Variants in ABCC10 observed in about 807,000 individuals in gnomAD.
ABCC10 encodes the protein ATP-binding cassette sub-family C member 10.
In ABCC10, 110 loss-of-function variants were observed where a neutral mutation model predicts 143.2. That is an observed-to-expected ratio of 0.77 (90% CI 0.66 to 0.90). ABCC10 has a LOEUF of 0.90. Among genes scored for constraint, ABCC10 ranks in the 40% least tolerant of loss-of-function variants. The pLI is 0.00. For missense variants in ABCC10, 1,700 were observed against 1,900.5 expected, an observed-to-expected ratio of 0.89 and a Z score of 1.96; for synonymous variants, 805 against 846.7, an observed-to-expected ratio of 0.95 and a Z score of 0.85.
At chr6:43,450,926 G>A (rs772196670), downstream of ABCC10, 1 of 1,614,206 alleles carries the variant, frequency 6.2e-7, no homozygotes, top group Non-Finnish European at 8.5e-7. The surrounding 1 kb of genome is among the most constrained non-coding windows in gnomAD (Gnocchi z 4.5). Context: ...TGGTTGGGGG[G>A]TCTGGGACAG....
At chr6:43,438,475 C>G (rs1257658304) in intron 7 of ABCC10, 149 bp from the exon 8 acceptor site, 1 of 1,441,176 alleles carries the variant, frequency 6.9e-7, no homozygotes, top group East Asian at 2.5e-5. Flanking sequence ...GACCCCTTGA[C>G]CTCAGGAGCT....
chr6:43,437,205 C>T (rs2127392018), intron 6 of ABCC10, among the ~76,000 whole-genome samples: 1 of 152,144 alleles, frequency 6.6e-6, no homozygotes, highest in Admixed American at 6.5e-5. Flanking sequence ...CTCGAGTTTA[C>T]AAGTTACAGC....
At position 43,428,053 on chromosome 6, in the gene ABCC10, A is replaced by C; in HGVS notation, c.75A>C (p.Thr25=). ...WPLPLWEGDT[T]GHCFTQLVLS... ...TCCCGCTGTGGGAGGGGGACACCAC[A>C]GGCCACTGCTTCACCCAGCTGGTGC... Residue 25 remains threonine (T), a synonymous_variant, in exon 2 of 22, where the codon ACA becomes ACC. Coordinates refer to ENST00000372530, the MANE Select transcript of ABCC10 (RefSeq NM_001198934.2). 1.3e-6 allele frequency: 2 copies of C among 1,594,894 alleles called. No homozygotes were observed. The highest frequency in any genetic ancestry group is 1.7e-6 in the Non-Finnish European group (2 of 1,171,720).
intron 8 of ABCC10, among the ~76,000 whole-genome samples, chr6:43,441,176 G>C (rs1167265757): frequency 6.6e-6 from 1 of 152,106 alleles, no homozygotes; most frequent in Admixed American, 6.5e-5. Flanking sequence ...TACCTTGCCT[G>C]TTAAAAAGAC....
rs1782000711 is a variant in ABCC10, at chr6:43,438,614, C to G, written c.1956-10C>G. On this transcript the variant is annotated splice_polypyrimidine_tract_variant and intron_variant, in intron 7 of 21. Transcript: ENST00000372530. ...GCTGGTCCTCATATTGCTCGCCTGG[C>G]TCTCTGCAGGCTGCGTGGGCATGTG... 1 of 1,613,086 alleles carries G rather than the reference C, an allele frequency of 6.2e-7. No individual in the cohort carries two copies. Among genetic ancestry groups the G allele is most frequent in the Non-Finnish European group, 8.5e-7 (1 of 1,179,768 alleles).
At chr6:43,442,089 TC>T (rs1782537286) in intron 9 of ABCC10, 129 bp downstream of exon 9, 1 of 732,550 alleles carries the variant, frequency 1.4e-6, no homozygotes, top group Non-Finnish European at 2.3e-6. Flanking sequence ...CCTTGCATGT[TC>T]CTGAGGTATT....
chr6:43,447,608 C>T (rs1783243992), intron 17 of ABCC10, 76 bp from the exon 18 acceptor site: 1 of 1,586,900 alleles, frequency 6.3e-7, no homozygotes, highest in South Asian at 1.2e-5. Context: ...TCTCATTATT[C>T]TCCCCTCCTC....
downstream of ABCC10, chr6:43,451,418 A>G: frequency 9.0e-7 from 1 of 1,108,298 alleles, no homozygotes; most frequent in Non-Finnish European, 1.3e-6. This position sits in a 1 kb window ranked among gnomAD's most constrained non-coding sequence, Gnocchi z 4.4. Flanking sequence ...AAATGAGAAT[A>G]AAAATAGTAC....
chr6:43,429,180 T>C (rs1780824828), intron 2 of ABCC10, among the ~76,000 whole-genome samples: 1 of 152,090 alleles, frequency 6.6e-6, no homozygotes. Context: ...GACTCACTGC[T>C]CACCATACTG....
Position 43,438,090 on chromosome 6 carries a change from C to G in ABCC10, c.1955+77C>G, listed in dbSNP as rs150328619. On this transcript the variant is annotated intron_variant, in intron 7 of 21. Transcript: ENST00000372530. ...TGAGCCCCTCTTATGTGTTGGACAC[C>G]TTTTGGGGGTCAGGGGTACTAAGAA... 5.1e-4 allele frequency: 751 copies of G among 1,469,284 alleles called. 1 individual carries two copies. In the African/African-American group the frequency reaches 6.6e-3, roughly 13 times the overall value. The allele number at this position is 1,469,284 out of a possible 1,614,324, so 91.0% of individuals were successfully genotyped here. A position where few individuals can be genotyped will look rare whatever the true frequency, so the allele number is the denominator to read the frequency against.
At chr6:43,428,275 CTACTTAGCAGCAATGTGGCTGTTCT>C in intron 2 of ABCC10, 136 bp downstream of exon 2, 1 of 1,066,220 alleles carries the variant, frequency 9.4e-7, no homozygotes, top group Non-Finnish European at 1.3e-6. Context: ...CTAAGCATTG[CTACTTAGCAGCAATGTGGCTGTTCT>C]TGGGCAAGTA....
chr6:43,441,826 G>T (rs1404784814), intron 8 of ABCC10, 36 bp from the exon 9 acceptor site: 2 of 1,562,398 alleles, frequency 1.3e-6, no homozygotes, highest in East Asian at 4.5e-5. Context: ...AAGGTAATGG[G>T]AGCTCCCTGA....
At position 43,433,022 on chromosome 6, in the gene ABCC10, G is replaced by C; in HGVS notation, c.1042G>C (p.Val348Leu). 6.2e-7 allele frequency: 1 copy of C among 1,614,142 alleles called. No individual in the cohort carries two copies. Among genetic ancestry groups the C allele is most frequent in the Admixed American group, 1.7e-5 (1 of 60,022 alleles). ...AVLQNQYGYE[V>L]YKVTLQARGA... ...GCTGCAGAATCAGTATGGGTATGAG[G>C]TATATAAGGTAACACTTCAGGCACG... Residue 348 changes from valine to leucine, a missense_variant, in exon 3 of 22, where the codon GTA (valine) becomes CTA (leucine). By Grantham distance (32) the Val-to-Leu change is conservative. Coordinates refer to ENST00000372530, the MANE Select transcript of ABCC10 (RefSeq NM_001198934.2).
At position 43,433,369 on chromosome 6, in the gene ABCC10, G is replaced by T; in HGVS notation, c.1380+9G>T. 6.3e-7 allele frequency: 1 copy of T among 1,593,524 alleles called. No homozygotes were observed. The highest frequency in any genetic ancestry group is 8.6e-7 in the Non-Finnish European group (1 of 1,166,450). ...AGGATGCGCGGGTTAAGGTGAGCGGGTACTTGGGGTCCCTCAGCTATCTGG... is the reference window on the plus strand; with the variant it reads ...AGGATGCGCGGGTTAAGGTGAGCGGTTACTTGGGGTCCCTCAGCTATCTGG... On this transcript the variant is annotated intron_variant, in intron 3 of 21. Coordinates refer to ENST00000372530, the MANE Select transcript of ABCC10 (RefSeq NM_001198934.2).
At chr6:43,437,321 G>T (rs1230600050) in intron 6 of ABCC10, among the ~76,000 whole-genome samples, 4 of 151,568 alleles carry the variant, frequency 2.6e-5, no homozygotes, top group Non-Finnish European at 5.9e-5. Flanking sequence ...CAGGGTTGGG[G>T]CATCACAGGC....
At position 43,432,960 on chromosome 6, in the gene ABCC10, C is replaced by T; in HGVS notation, c.980C>T (p.Ala327Val). ...QEPLSHGLLY[A>V]LGLAGGAVLG... ...CCACTAAGCCACGGCCTGCTCTATG[C>T]TCTGGGGCTAGCCGGTGGGGCTGTG... Residue 327 changes from alanine (A) to valine (V), a missense_variant, in exon 3 of 22, where the codon GCT becomes GTT. By Grantham distance (64) the Ala-to-Val change is moderately conservative. Transcript: ENST00000372530. 6.2e-7 allele frequency: 1 copy of T among 1,614,154 alleles called. No individual in the cohort carries two copies. Among genetic ancestry groups the T allele is most frequent in the Non-Finnish European group, 8.5e-7 (1 of 1,180,026 alleles).
rs1254839672 is a variant in ABCC10, at chr6:43,438,202, C to T, written c.1955+189C>T. ...AAAGCGAATCATTGTAATCATTACA[C>T]CAGAGTGTTTTAAATGCTATAATAG... On this transcript the variant is annotated intron_variant, in intron 7 of 21. Coordinates refer to ENST00000372530, the MANE Select transcript of ABCC10 (RefSeq NM_001198934.2). 4 of 895,426 alleles carry T rather than the reference C, an allele frequency of 4.5e-6. No individual in the cohort carries two copies. In the African/African-American group the frequency reaches 5.1e-5, roughly 11 times the overall value. 55.5% of individuals were successfully genotyped at this position (895,426 alleles called of 1,614,324 possible).
intron 3 of ABCC10, 47 bp from the exon 4 acceptor site, chr6:43,434,574 T>A: frequency 6.5e-7 from 1 of 1,545,372 alleles, no homozygotes; most frequent in Non-Finnish European, 8.9e-7. Flanking sequence ...GGAAGACACA[T>A]GAGCAGTGCC....
rs772075767 is a variant in ABCC10, at chr6:43,432,281, G to C, written c.301G>C (p.Glu101Gln). ...PGAGPGPIGL[E>Q]VLAGCVAAVA... Reference sequence around the variant, plus strand: ...GGCAGGCCCAGGACCCATAGGGCTAGAGGTGTTGGCAGGGTGCGTGGCAGC... The same window carrying C: ...GGCAGGCCCAGGACCCATAGGGCTACAGGTGTTGGCAGGGTGCGTGGCAGC... Residue 101 changes from glutamate to glutamine, a missense_variant, in exon 3 of 22, where the codon GAG becomes CAG. By Grantham distance (29) the Glu-to-Gln change is conservative. Coordinates refer to ENST00000372530, the MANE Select transcript of ABCC10 (RefSeq NM_001198934.2). 4 of 1,614,258 alleles carry C rather than the reference G, an allele frequency of 2.5e-6. No homozygotes were observed. In the Admixed American group the frequency reaches 6.7e-5, roughly 27 times the overall value.
Sources: allele counts gnomAD v4.1 joint callset (sites outside exome capture counted in the v4.1 genomes callset), GRCh38; gene constraint gnomAD v4.1.1; non-coding constraint Gnocchi (gnomAD v3.1); transcripts MANE v1.5; gene names NCBI Gene and HGNC (gene_info 2026-07-23, HGNC 2026-07-21).